The following ZNF536 variants were observed in gnomAD, a reference collection of about 807,000 sequenced individuals.
The protein encoded by ZNF536 is zinc finger protein 536.
In ZNF536, 13 loss-of-function variants were observed where a neutral mutation model predicts 84.5. The ratio of observed to expected loss-of-function variants is 0.15; its 90% CI spans 0.10 to 0.24. ZNF536 has a LOEUF of 0.24. Among genes scored for constraint, ZNF536 ranks in the 10% least tolerant of loss-of-function variants. The pLI, the probability that ZNF536 is intolerant of heterozygous loss-of-function variation, is 1.00. For synonymous variants in ZNF536, 811 were observed against 742.5 expected (o/e 1.09, Z -1.50); for missense variants, 1,536 against 1,747.5 (o/e 0.88, Z 2.16).
chr19:30,265,650 G>C (rs1347051187), intron 1 of ZNF536, among the ~76,000 whole-genome samples: 2 of 152,326 alleles, frequency 1.3e-5, no homozygotes, highest in Non-Finnish European at 2.9e-5. Flanking sequence ...AAAGGATAGC[G>C]AGGGGAGACA....
downstream of ZNF536, among the ~76,000 whole-genome samples, chr19:30,560,555 C>T (rs553513593): frequency 6.6e-5 from 10 of 152,154 alleles, no homozygotes; most frequent in South Asian, 2.1e-4. Context: ...CTTCCTAACA[C>T]GAACACCCTG....
At chr19:30,512,518 G>C (rs927819061) in intron 2 of ZNF536, among the ~76,000 whole-genome samples, 1 of 151,690 alleles carries the variant, frequency 6.6e-6, no homozygotes, top group Non-Finnish European at 1.5e-5. Context: ...CCCTGTCCAA[G>C]CATAATGCAT....
chr19:30,688,400 T>C (rs2051281797), intron 1 of ZNF536, among the ~76,000 whole-genome samples: 1 of 152,208 alleles, frequency 6.6e-6, no homozygotes, highest in Non-Finnish European at 1.5e-5. Context: ...TCGGCTGCTG[T>C]GTCTAATAAA....
intron 1 of ZNF536, among the ~76,000 whole-genome samples, chr19:30,701,118 T>C (rs1036095995): frequency 3.3e-5 from 5 of 152,158 alleles, no homozygotes; most frequent in African/African-American, 1.2e-4. Context: ...TTCCTCGTGC[T>C]CAATGCCCAG....
intron 1 of ZNF536, among the ~76,000 whole-genome samples, chr19:30,232,166 C>T (rs182940747): frequency 5.9e-5 from 9 of 152,120 alleles, no homozygotes; most frequent in Admixed American, 2.6e-4. Flanking sequence ...GGGCCTCCCC[C>T]GGCCAGTTGA....
At chr19:30,261,297 C>CAAAAA (rs66862950) in intron 1 of ZNF536, among the ~76,000 whole-genome samples, 4 of 23,572 alleles carry the variant, frequency 1.7e-4, no homozygotes, top group African/African-American at 3.0e-4. Flanking sequence ...GACTCCGTCT[C>CAAAAA]AAAAAAAAAA....
chr19:30,398,270 G>A (rs529109192), intron 1 of ZNF536, among the ~76,000 whole-genome samples: 94 of 151,900 alleles, frequency 6.2e-4, no homozygotes, highest in African/African-American at 2.1e-3. Context: ...TATCCCCTCC[G>A]TGCCCCAACC....
intron 1 of ZNF536, among the ~76,000 whole-genome samples, chr19:30,620,489 T>C (rs1439120986): frequency 3.3e-5 from 5 of 152,150 alleles, no homozygotes. Flanking sequence ...AGATGGGGAA[T>C]GGAAGTCCTG....
At chr19:30,270,610 G>C (rs1288324556) in intron 1 of ZNF536, among the ~76,000 whole-genome samples, 1 of 152,176 alleles carries the variant, frequency 6.6e-6, no homozygotes, top group Non-Finnish European at 1.5e-5. Flanking sequence ...CAATATATTC[G>C]CGTCTTTTAG....
Position 30,490,889 on chromosome 19 carries a change from C to T in ZNF536, c.2171-43958C>T, listed in dbSNP as rs540755429. ...GGACTTTGTTTGCCAGGCGCCCCAG[C>T]CCGGTGACTAATGGCTGGCTGCTTG... On this transcript the variant is annotated intron_variant, in intron 2 of 4. Coordinates refer to ENST00000355537, the MANE Select transcript of ZNF536 (RefSeq NM_014717.3). 9.2e-5 allele frequency among the ~76,000 whole-genome samples: 14 copies of T among 152,288 alleles called. No homozygotes were observed. In the South Asian group the frequency reaches 2.9e-3, roughly 32 times the overall value.
chr19:30,601,113 A>G (rs2047668854), intron 1 of ZNF536, among the ~76,000 whole-genome samples: 1 of 152,236 alleles, frequency 6.6e-6, no homozygotes. Flanking sequence ...GCTGAAATCT[A>G]AATTGTGAAC....
intron 1 of ZNF536, among the ~76,000 whole-genome samples, chr19:30,622,794 C>A (rs2048530248): frequency 6.6e-6 from 1 of 152,032 alleles, no homozygotes; most frequent in Non-Finnish European, 1.5e-5. Flanking sequence ...AGGCTGCTGG[C>A]CCTGACAGAC....
intron 1 of ZNF536, among the ~76,000 whole-genome samples, chr19:30,272,016 C>T (rs2025882197): frequency 6.6e-6 from 1 of 152,210 alleles, no homozygotes; most frequent in Non-Finnish European, 1.5e-5. Context: ...CAAGTAGCCT[C>T]TCTGGGAATT....
chr19:30,289,556 A>G (rs12460471), intron 2 of ZNF536, among the ~76,000 whole-genome samples: 36,757 of 152,180 alleles, frequency 0.24, 5,508 homozygotes, highest in East Asian at 0.54. Context: ...GGATGGCCAC[A>G]CATGGGATGC....
At chr19:30,416,384 T>C (rs2050735538) in intron 1 of ZNF536, among the ~76,000 whole-genome samples, 1 of 152,016 alleles carries the variant, frequency 6.6e-6, no homozygotes, top group South Asian at 2.1e-4. Context: ...GTCATTTGTT[T>C]TTGTGAAAAG....
intron 2 of ZNF536, among the ~76,000 whole-genome samples, chr19:30,505,236 T>TAATA (rs200153155): frequency 1.5e-4 from 22 of 146,874 alleles, no homozygotes; most frequent in African/African-American, 5.0e-4. Context: ...ATGTTAATAT[T>TAATA]TAATATATTT....
At chr19:30,457,044 A>AG (rs1411060372) in intron 2 of ZNF536, among the ~76,000 whole-genome samples, 1 of 146,546 alleles carries the variant, frequency 6.8e-6, no homozygotes, top group Non-Finnish European at 1.5e-5. Flanking sequence ...TTCATCTCAA[A>AG]AAAAAAAAAA....
intron 1 of ZNF536, among the ~76,000 whole-genome samples, chr19:30,239,494 C>G (rs983985412): frequency 5.3e-5 from 8 of 152,154 alleles, no homozygotes; most frequent in African/African-American, 1.7e-4. Flanking sequence ...AACGGGGTTT[C>G]CTAGAACAGA....
chr19:30,281,093 C>T (rs190158830), intron 1 of ZNF536, among the ~76,000 whole-genome samples: 197 of 152,142 alleles, frequency 1.3e-3, no homozygotes, highest in Admixed American at 3.1e-3. Context: ...TTGGTTGGTG[C>T]CCCCCATATC....
Sources: gnomAD v4.1 joint callset for allele counts (sites outside exome capture counted in the v4.1 genomes callset) on GRCh38, gnomAD v4.1.1 for gene constraint, MANE v1.5 for transcripts, NCBI Gene and HGNC (gene_info 2026-07-23, HGNC 2026-07-21) for gene names.